Variants in LHFPL3 observed in about 807,000 individuals in gnomAD.
LHFPL3 encodes the protein LHFPL tetraspan subfamily member 3 protein.
Under a neutral mutation model 19.3 loss-of-function variants are expected in LHFPL3, and 5 were observed. The observed-to-expected ratio is 0.26, with a 90% CI of 0.14 to 0.54. LHFPL3 has a LOEUF of 0.54. Ranked by LOEUF, LHFPL3 falls within the 20% of genes least tolerant of loss-of-function variation. The probability of loss-of-function intolerance (pLI) is 0.94; values close to 1 mark genes in which losing one functional copy is unlikely to be tolerated. For synonymous variants in LHFPL3, 133 were observed against 126.2 expected (o/e 1.05, Z -0.36); for missense variants, 249 against 307.4 (o/e 0.81, Z 1.42).
intron 1 of LHFPL3, among the ~76,000 whole-genome samples, chr7:104,383,991 A>G (rs1270551483): frequency 6.6e-6 from 1 of 152,214 alleles, no homozygotes; most frequent in Non-Finnish European, 1.5e-5. Context: ...GTACCTGACT[A>G]TTAGCCGCCT....
At chr7:104,863,012 G>A (rs974945468) in intron 2 of LHFPL3, among the ~76,000 whole-genome samples, 6 of 152,154 alleles carry the variant, frequency 3.9e-5, no homozygotes, top group Non-Finnish European at 8.8e-5. Flanking sequence ...GATGTGGACG[G>A]CAGAGCCCAG....
intron 1 of LHFPL3, among the ~76,000 whole-genome samples, chr7:104,392,474 A>G (rs1791094261): frequency 1.3e-5 from 2 of 151,806 alleles, no homozygotes; most frequent in Non-Finnish European, 2.9e-5. Context: ...TTCTGTTTAT[A>G]TGCTGGATTA....
intron 1 of LHFPL3, among the ~76,000 whole-genome samples, chr7:104,627,143 G>A (rs2385248): frequency 0.95 from 144,914 of 152,170 alleles, 69,310 homozygotes; most frequent in Non-Finnish European, 1. Flanking sequence ...CCCACCCCCG[G>A]GCCCTGGTAA....
chr7:104,455,504 T>G (rs1792522096), intron 1 of LHFPL3, among the ~76,000 whole-genome samples: 1 of 152,186 alleles, frequency 6.6e-6, no homozygotes, highest in South Asian at 2.1e-4. Context: ...TTGGACTGCC[T>G]GAGGTCAAGA....
chr7:104,637,268 T>C (rs1336854625), intron 1 of LHFPL3, among the ~76,000 whole-genome samples: 2 of 152,206 alleles, frequency 1.3e-5, no homozygotes, highest in African/African-American at 4.8e-5. Flanking sequence ...TCCTCATAGA[T>C]TCTGGATATT....
At chr7:104,664,843 C>T (rs1792301273) in intron 1 of LHFPL3, among the ~76,000 whole-genome samples, 1 of 152,126 alleles carries the variant, frequency 6.6e-6, no homozygotes, top group African/African-American at 2.4e-5. Context: ...AGAATTAGTC[C>T]CATGGCTTAG....
intron 1 of LHFPL3, among the ~76,000 whole-genome samples, chr7:104,457,003 A>C (rs17137740): frequency 0.011 from 1,712 of 152,328 alleles, 42 homozygotes; most frequent in African/African-American, 0.039. Flanking sequence ...GTACATTCCA[A>C]TATGGAAACT....
intron 1 of LHFPL3, among the ~76,000 whole-genome samples, chr7:104,467,883 A>G (rs889473969): frequency 2.0e-5 from 3 of 151,944 alleles, no homozygotes; most frequent in South Asian, 2.1e-4. Context: ...ATTGTTTTCC[A>G]TGTCTTTCAC....
chr7:104,430,406 A>ATATGTATATATATATATATATG (rs1562895153), intron 1 of LHFPL3, among the ~76,000 whole-genome samples: 323 of 31,186 alleles, frequency 0.01, 8 homozygotes, highest in Non-Finnish European at 0.012. Context: ...ATATATATAC[A>ATATGTATATATATATATATATG]TATATATATA....
chr7:104,499,449 T>C (rs1793554705), intron 1 of LHFPL3, among the ~76,000 whole-genome samples: 1 of 152,254 alleles, frequency 6.6e-6, no homozygotes, highest in Non-Finnish European at 1.5e-5. Flanking sequence ...CAATGAAGCA[T>C]GACCGAGCTC....
chr7:104,801,602 G>A (rs183757881), intron 2 of LHFPL3, among the ~76,000 whole-genome samples: 5 of 152,048 alleles, frequency 3.3e-5, no homozygotes, highest in South Asian at 4.2e-4. Context: ...ATGGAGTCTC[G>A]GTCTATTGCC....
chr7:104,715,246 A>G (rs1208076830), intron 1 of LHFPL3, among the ~76,000 whole-genome samples: 1 of 152,236 alleles, frequency 6.6e-6, no homozygotes, highest in East Asian at 1.9e-4. Context: ...ATGTATGTAT[A>G]TATGTGAATG....
intron 1 of LHFPL3, among the ~76,000 whole-genome samples, chr7:104,608,641 TATAATA>T (rs575925063): frequency 1.9e-4 from 28 of 151,222 alleles, no homozygotes; most frequent in Middle Eastern, 3.4e-3. Flanking sequence ...AAACTTAAAG[TATAATA>T]ATAATAATAA....
At chr7:104,507,677 CA>C (rs1793725741) in intron 1 of LHFPL3, among the ~76,000 whole-genome samples, 1 of 121,722 alleles carries the variant, frequency 8.2e-6, no homozygotes, top group Admixed American at 9.2e-5. Flanking sequence ...AGGCAACCTA[CA>C]AAATGGGAGA....
intron 2 of LHFPL3, among the ~76,000 whole-genome samples, chr7:104,824,748 CATATATT>C (rs546355578): frequency 2.9e-5 from 2 of 68,324 alleles, no homozygotes; most frequent in African/African-American, 9.8e-5. Context: ...AAGTCTTACT[CATATATT>C]ATATATAATA....
intron 2 of LHFPL3, among the ~76,000 whole-genome samples, chr7:104,800,598 C>A (rs1390588154): frequency 6.6e-6 from 1 of 152,120 alleles, no homozygotes. Flanking sequence ...ACTTAGATAC[C>A]TCAAAGTCAA....
intron 2 of LHFPL3, among the ~76,000 whole-genome samples, chr7:104,745,065 C>A (rs933480467): frequency 6.6e-6 from 1 of 152,194 alleles, no homozygotes; most frequent in Non-Finnish European, 1.5e-5. Context: ...ATTAGCTTCT[C>A]AAACTTAGTA....
At chr7:104,407,743 T>G (rs4605995) in intron 1 of LHFPL3, among the ~76,000 whole-genome samples, 4,695 of 152,254 alleles carry the variant, frequency 0.031, 213 homozygotes, top group East Asian at 0.16. Context: ...AACATTGAAG[T>G]TGGCAGAAAC....
chr7:104,452,124 A>G (rs1792450270), intron 1 of LHFPL3, among the ~76,000 whole-genome samples: 2 of 152,190 alleles, frequency 1.3e-5, no homozygotes. Flanking sequence ...AGAAATAGCC[A>G]CTGCTAACAT....
Sources: allele counts gnomAD v4.1 joint callset (sites outside exome capture counted in the v4.1 genomes callset), GRCh38; gene constraint gnomAD v4.1.1; transcripts MANE v1.5; gene names NCBI Gene and HGNC (gene_info 2026-07-23, HGNC 2026-07-21).